The following DPP10 variants were observed in gnomAD, a reference collection of about 807,000 sequenced individuals.
DPP10 encodes the protein inactive dipeptidyl peptidase 10.
A neutral mutation model predicts 120.9 loss-of-function variants in DPP10; 33 were observed. That is an observed-to-expected ratio of 0.27 (90% CI 0.21 to 0.37). The LOEUF (loss-of-function observed/expected upper bound fraction) is 0.37, where lower values mean the gene tolerates loss of function less well. DPP10 is among the 10% of genes least tolerant of loss of function. The pLI, the probability that DPP10 is intolerant of heterozygous loss-of-function variation, is 1.00. For missense variants in DPP10, 816 were observed against 942.8 expected (o/e 0.87, Z 1.76); for synonymous variants, 337 against 326.1 (o/e 1.03, Z -0.36).
At chr2:114,547,514 A>G (rs867310356) in intron 1 of DPP10, among the ~76,000 whole-genome samples, 6 of 152,056 alleles carry the variant, frequency 3.9e-5, no homozygotes, top group Non-Finnish European at 4.4e-5. Flanking sequence ...GGGCATCACA[A>G]ATTTTGTAGC....
chr2:115,447,179 C>T (rs548132916), intron 3 of DPP10, among the ~76,000 whole-genome samples: 2 of 152,184 alleles, frequency 1.3e-5, no homozygotes, highest in African/African-American at 4.8e-5. Context: ...ATGACTGCCC[C>T]CACTGGATTT....
intron 1 of DPP10, among the ~76,000 whole-genome samples, chr2:114,488,730 G>A (rs915288749): frequency 2.0e-5 from 3 of 152,130 alleles, no homozygotes; most frequent in African/African-American, 7.2e-5. Flanking sequence ...CACCAGCCTC[G>A]TGGCATCCCC....
intron 10 of DPP10, chr2:115,749,866 T>A (rs1678484014): frequency 2.7e-6 from 1 of 369,330 alleles, no homozygotes; most frequent in Non-Finnish European, 3.7e-6. Context: ...CTGCAGGTGA[T>A]GCTGGGGCCT....
intron 1 of DPP10, among the ~76,000 whole-genome samples, chr2:115,054,418 C>T (rs1271495934): frequency 6.6e-6 from 1 of 151,990 alleles, no homozygotes; most frequent in African/African-American, 2.4e-5. Flanking sequence ...ATACATAAGC[C>T]CATTGCAAAA....
intron 4 of DPP10, among the ~76,000 whole-genome samples, chr2:115,515,785 T>G (rs1286220138): frequency 6.6e-6 from 1 of 152,116 alleles, no homozygotes; most frequent in Non-Finnish European, 1.5e-5. Flanking sequence ...CATTCAGTTA[T>G]AAACACCTGT....
chr2:115,175,443 T>C lies in DPP10; in HGVS notation c.61-133796T>C, dbSNP rs186917235. Among the ~76,000 whole-genome samples the C allele has an allele frequency of 7.9e-5, 12 of 152,308 alleles. No individual in the cohort carries two copies. The East Asian group carries it at 2.1e-3, about 27-fold the overall frequency. On this transcript the variant is annotated intron_variant, in intron 1 of 25. Coordinates refer to ENST00000410059, the MANE Select transcript of DPP10 (RefSeq NM_020868.6). The stretch of plus-strand genomic sequence containing the variant: ...GAAGAAATAAACATATGAATGGGAT[T>C]GGGAACCTCAAGAGAGAATCACCAC...
chr2:115,417,379 C>G (rs2069526452), intron 3 of DPP10, among the ~76,000 whole-genome samples: 1 of 152,012 alleles, frequency 6.6e-6, no homozygotes, highest in Non-Finnish European at 1.5e-5. Flanking sequence ...GGAAAAAACT[C>G]AATTTGGAGG....
Position 115,269,371 on chromosome 2 carries a change from C to G in DPP10, c.61-39868C>G, listed in dbSNP as rs189667353. 1.2e-4 allele frequency among the ~76,000 whole-genome samples: 19 copies of G among 152,288 alleles called. No individual in the cohort carries two copies. In the East Asian group the frequency reaches 1.9e-3, roughly 16 times the overall value. ...TCCATAACAAATAATTCCAGACTTTCTGGCTTAAAACTACTCATTATCTCA... is the reference window on the plus strand; with the variant it reads ...TCCATAACAAATAATTCCAGACTTTGTGGCTTAAAACTACTCATTATCTCA... On this transcript the variant is annotated intron_variant, in intron 1 of 25. Transcript: ENST00000410059.
At chr2:115,621,394 A>G (rs148649023) in intron 5 of DPP10, among the ~76,000 whole-genome samples, 7 of 152,338 alleles carry the variant, frequency 4.6e-5, no homozygotes, top group African/African-American at 1.7e-4. Flanking sequence ...TTGATAATAA[A>G]TAGGCAATAC....
intron 4 of DPP10, among the ~76,000 whole-genome samples, chr2:115,523,422 A>G (rs1272423988): frequency 1.6e-5 from 2 of 122,436 alleles, no homozygotes; most frequent in Non-Finnish European, 1.8e-5. Flanking sequence ...AAAAAAAAAA[A>G]CCCTCCTGCT....
chr2:114,920,051 A>G (rs1695088649), intron 1 of DPP10, among the ~76,000 whole-genome samples: 1 of 152,100 alleles, frequency 6.6e-6, no homozygotes, highest in African/African-American at 2.4e-5. Flanking sequence ...ATAATATTTT[A>G]CTGATCTTAA....
At chr2:114,873,654 A>G (rs1690891684) in intron 1 of DPP10, among the ~76,000 whole-genome samples, 1 of 152,080 alleles carries the variant, frequency 6.6e-6, no homozygotes, top group African/African-American at 2.4e-5. Context: ...TGTCCTTCAT[A>G]GAGAAATGCT....
intron 1 of DPP10, among the ~76,000 whole-genome samples, chr2:114,753,156 G>A (rs1679392815): frequency 6.6e-6 from 1 of 152,130 alleles, no homozygotes; most frequent in Admixed American, 6.5e-5. Context: ...CCCAAATAAT[G>A]CAGGAAATGA....
chr2:115,807,276 G>A (rs1686095717), intron 19 of DPP10, among the ~76,000 whole-genome samples: 1 of 152,170 alleles, frequency 6.6e-6, no homozygotes, highest in African/African-American at 2.4e-5. Context: ...CTGGCTAGGA[G>A]ATGTCCCTGA....
At chr2:115,107,487 T>C (rs1021969581) in intron 1 of DPP10, among the ~76,000 whole-genome samples, 2 of 124,728 alleles carry the variant, frequency 1.6e-5, no homozygotes, top group East Asian at 5.6e-4. Context: ...GTCAGATAAC[T>C]AGAAAATCAA....
chr2:114,648,154 A>G (rs1478620568), intron 1 of DPP10, among the ~76,000 whole-genome samples: 1 of 152,144 alleles, frequency 6.6e-6, no homozygotes, highest in Non-Finnish European at 1.5e-5. Flanking sequence ...GTCCACTTCT[A>G]CGTGACTCCC....
At chr2:115,820,860 T>C (rs1445572549) in intron 21 of DPP10, among the ~76,000 whole-genome samples, 1 of 151,646 alleles carries the variant, frequency 6.6e-6, no homozygotes, top group East Asian at 1.9e-4. Flanking sequence ...TTTATCCACT[T>C]GTTGATTGAT....
At chr2:114,538,732 G>T in intron 1 of DPP10, among the ~76,000 whole-genome samples, 1 of 152,078 alleles carries the variant, frequency 6.6e-6, no homozygotes, top group East Asian at 1.9e-4. Context: ...GTAGATTAGT[G>T]GGTGACAGAT....
At chr2:115,306,591 T>C (rs1026067497) in intron 1 of DPP10, among the ~76,000 whole-genome samples, 1 of 152,070 alleles carries the variant, frequency 6.6e-6, no homozygotes, top group Admixed American at 6.6e-5. Flanking sequence ...AGAAATGTAA[T>C]GGTAATAGAA....
Sources: allele counts gnomAD v4.1 joint callset (sites outside exome capture counted in the v4.1 genomes callset), GRCh38; gene constraint gnomAD v4.1.1; transcripts MANE v1.5; gene names NCBI Gene and HGNC (gene_info 2026-07-23, HGNC 2026-07-21).